Variants in SSH2 observed in about 807,000 individuals in gnomAD.
SSH2 encodes protein phosphatase Slingshot homolog 2.
In SSH2, 37 loss-of-function variants were observed where a neutral mutation model predicts 135.2. The observed-to-expected ratio is 0.27, with a 90% CI of 0.21 to 0.36. The LOEUF (loss-of-function observed/expected upper bound fraction) is 0.36. SSH2 is among the 10% of genes least tolerant of loss of function. The probability of loss-of-function intolerance (pLI) is 1.00; values close to 1 mark genes in which losing one functional copy is unlikely to be tolerated. For missense variants in SSH2, 1,408 were observed against 1,765.3 expected (o/e 0.80, Z 3.63); for synonymous variants, 628 against 646.2 (o/e 0.97, Z 0.43).
rs111277103 is a variant in SSH2, at chr17:29,626,282, GA to G, written c.*4558del. 6,599 of 91,656 alleles carry G rather than the reference GA, an allele frequency of 0.072. 167 individuals are homozygous for G. Among genetic ancestry groups the G allele is most frequent in the Non-Finnish European group, 0.094 (3,962 of 42,342 alleles). 5.7% of individuals were successfully genotyped at this position (91,656 alleles called of 1,614,324 possible). A position where few individuals can be genotyped will look rare whatever the true frequency, so the allele number is the denominator to read the frequency against. The stretch of plus-strand genomic sequence containing the variant: ...CAAGTCCTACAAAACAAAGCAGAAA[GA>G]AAAAAAAAAAAAAAGAAAAGTAAAG... On this transcript the variant is annotated 3_prime_UTR_variant, in exon 16 of 16. Coordinates refer to ENST00000540801, the MANE Select transcript of SSH2 (RefSeq NM_001282129.2).
chr17:29,852,759 C>T (rs1009506076), intron 1 of SSH2, among the ~76,000 whole-genome samples: 2 of 151,730 alleles, frequency 1.3e-5, no homozygotes, highest in Admixed American at 6.6e-5. Context: ...ATGGTGTTAG[C>T]CAGGATGGTC....
At chr17:29,783,403 G>A (rs1451547255) in intron 3 of SSH2, among the ~76,000 whole-genome samples, 1 of 150,992 alleles carries the variant, frequency 6.6e-6, no homozygotes, top group African/African-American at 2.4e-5. Flanking sequence ...CTATCTGCAA[G>A]CTGAGGAGCA....
intron 9 of SSH2, among the ~76,000 whole-genome samples, chr17:29,668,887 T>C (rs917259766): frequency 2.0e-5 from 3 of 152,160 alleles, no homozygotes; most frequent in African/African-American, 7.2e-5. Flanking sequence ...ATCCCAGCCC[T>C]GCTATTGGTG....
intron 3 of SSH2, among the ~76,000 whole-genome samples, chr17:29,786,929 A>G (rs1373489753): frequency 6.6e-6 from 1 of 152,184 alleles, no homozygotes; most frequent in African/African-American, 2.4e-5. Flanking sequence ...GTCTCAATCA[A>G]TCAATCACAA....
intron 11 of SSH2, among the ~76,000 whole-genome samples, chr17:29,661,345 T>C (rs950091525): frequency 2.6e-5 from 4 of 152,174 alleles, no homozygotes; most frequent in African/African-American, 9.7e-5. Flanking sequence ...AAACGTTTGT[T>C]AATTGGAAGA....
chr17:29,694,986 G>A (rs2038665803), intron 5 of SSH2, among the ~76,000 whole-genome samples: 1 of 152,094 alleles, frequency 6.6e-6, no homozygotes, highest in South Asian at 2.1e-4. Flanking sequence ...GCACAGACAG[G>A]GTAAAGTAAC....
At chr17:29,680,199 G>A (rs1194524640) in intron 6 of SSH2, among the ~76,000 whole-genome samples, 1 of 152,034 alleles carries the variant, frequency 6.6e-6, no homozygotes, top group Non-Finnish European at 1.5e-5. Flanking sequence ...AGTCACTGCA[G>A]GGTTAAAGGA....
At chr17:29,683,215 T>C (rs1478939693) in intron 6 of SSH2, among the ~76,000 whole-genome samples, 1 of 152,196 alleles carries the variant, frequency 6.6e-6, no homozygotes, top group African/African-American at 2.4e-5. Flanking sequence ...CAGGATTTCC[T>C]GAGGCTAATT....
chr17:29,668,925 T>C (rs912063791), intron 9 of SSH2, among the ~76,000 whole-genome samples: 1 of 151,894 alleles, frequency 6.6e-6, no homozygotes, highest in Non-Finnish European at 1.5e-5. Flanking sequence ...TTCCTTCTCT[T>C]CCCTGAGCCT....
At chr17:29,805,886 C>T (rs1027585579) in intron 2 of SSH2, among the ~76,000 whole-genome samples, 1 of 151,906 alleles carries the variant, frequency 6.6e-6, no homozygotes, top group Non-Finnish European at 1.5e-5. Context: ...AATTCCCTTC[C>T]TAGACTGTAA....
intron 6 of SSH2, among the ~76,000 whole-genome samples, chr17:29,680,343 A>G (rs1228983579): frequency 6.6e-6 from 1 of 151,778 alleles, no homozygotes; most frequent in Non-Finnish European, 1.5e-5. Context: ...TCAGGAGTTC[A>G]AGACCAGCCT....
chr17:29,715,338 C>T (rs936309962), intron 3 of SSH2, among the ~76,000 whole-genome samples: 2 of 151,820 alleles, frequency 1.3e-5, no homozygotes, highest in Non-Finnish European at 2.9e-5. Context: ...CTCCGCCTTC[C>T]AGGTTCATGC....
chr17:29,737,015 C>T (rs1192634540), intron 3 of SSH2, among the ~76,000 whole-genome samples: 2 of 134,828 alleles, frequency 1.5e-5, no homozygotes, highest in African/African-American at 5.6e-5. Context: ...AGAAAAATGG[C>T]GTGAACCCAG....
chr17:29,811,862 T>A (rs184569834), intron 2 of SSH2, among the ~76,000 whole-genome samples: 184 of 152,314 alleles, frequency 1.2e-3, no homozygotes, highest in African/African-American at 4.3e-3. Context: ...AATAATTTAA[T>A]GCAAGCTTCA....
chr17:29,643,290 C>T, intron 14 of SSH2: 1 of 985,336 alleles, frequency 1.0e-6, no homozygotes, highest in Non-Finnish European at 1.2e-6. Context: ...CAGACCCTAA[C>T]AGCTATATAT....
At chr17:29,639,248 C>T (rs2036045977) in intron 14 of SSH2, among the ~76,000 whole-genome samples, 1 of 152,120 alleles carries the variant, frequency 6.6e-6, no homozygotes, top group African/African-American at 2.4e-5. Flanking sequence ...CACTCTTAAA[C>T]AGTTCCCAAA....
chr17:29,691,508 T>G (rs1179277168), intron 5 of SSH2, among the ~76,000 whole-genome samples: 1 of 134,188 alleles, frequency 7.5e-6, no homozygotes, highest in Non-Finnish European at 1.6e-5. Flanking sequence ...TTTTTTTTTT[T>G]GAGACAGAGT....
intron 3 of SSH2, among the ~76,000 whole-genome samples, chr17:29,755,736 A>C (rs2041093466): frequency 6.6e-6 from 1 of 150,592 alleles, no homozygotes; most frequent in Non-Finnish European, 1.5e-5. Context: ...ATTTCGGCTA[A>C]CTGCAAGCTC....
intron 1 of SSH2, among the ~76,000 whole-genome samples, chr17:29,897,151 C>A (rs574246595): frequency 2.0e-5 from 3 of 152,038 alleles, no homozygotes; most frequent in East Asian, 3.9e-4. Context: ...TGGAAAGGAA[C>A]AACCGGTACC....
Sources: allele counts gnomAD v4.1 joint callset (sites outside exome capture counted in the v4.1 genomes callset), GRCh38; gene constraint gnomAD v4.1.1; transcripts MANE v1.5; gene names NCBI Gene and HGNC (gene_info 2026-07-23, HGNC 2026-07-21).